Variants in EBF4 observed in about 807,000 individuals in gnomAD.
EBF4 encodes EBF transcription factor 4.
A neutral mutation model predicts 67.1 loss-of-function variants in EBF4; 34 were observed. The observed-to-expected ratio is 0.51, with a 90% CI of 0.39 to 0.67. The LOEUF is 0.67. Among genes scored for constraint, EBF4 ranks in the 30% least tolerant of loss-of-function variants. The probability of loss-of-function intolerance (pLI) is 0.00; values close to 1 mark genes in which losing one functional copy is unlikely to be tolerated. For synonymous variants in EBF4, 387 were observed against 377.7 expected (o/e 1.02, Z -0.29); for missense variants, 837 against 873.3 (o/e 0.96, Z 0.52).
chr20:2,731,230 A>G (rs2087809734), intron 6 of EBF4, among the ~76,000 whole-genome samples: 1 of 152,204 alleles, frequency 6.6e-6, no homozygotes, highest in African/African-American at 2.4e-5. Context: ...GTAAGTTAGC[A>G]TAATGTGCTG....
Position 2,756,024 on chromosome 20 carries a change from G to T in EBF4, c.1738+200G>T, listed in dbSNP as rs1022255804. ...CCCTCTGCCCTGGCCTCCCAGCCTG[G>T]GATGGTCACCATTCTGGATGCTCTC... On this transcript the variant is annotated intron_variant, in intron 15 of 16. Coordinates refer to ENST00000609451, the Ensembl canonical transcript of EBF4. This position sits in a 1 kb window ranked among gnomAD's most constrained non-coding sequence, Gnocchi z 4.5. 6.6e-6 allele frequency among the ~76,000 whole-genome samples: 1 copy of T among 152,208 alleles called. No homozygotes were observed. Among genetic ancestry groups the T allele is most frequent in the Admixed American group, 6.5e-5 (1 of 15,290 alleles).
At position 2,747,058 on chromosome 20, in the gene EBF4, C is replaced by T. The variant is rs779069830; in HGVS notation, c.558-1491C>T. ...CTGTAATCCCAACACTTTGGGAGGCCGAGGTGGGTGAATCACCTGAGGTCA... is the reference window on the plus strand; with the variant it reads ...CTGTAATCCCAACACTTTGGGAGGCTGAGGTGGGTGAATCACCTGAGGTCA... On this transcript the variant is annotated intron_variant, in intron 6 of 16. Coordinates refer to ENST00000609451, the Ensembl canonical transcript of EBF4. This position sits in a 1 kb window ranked among gnomAD's most constrained non-coding sequence, Gnocchi z 4.6. 6.6e-6 allele frequency among the ~76,000 whole-genome samples: 1 copy of T among 152,102 alleles called. No individual in the cohort carries two copies. The highest frequency in any genetic ancestry group is 1.5e-5 in the Non-Finnish European group (1 of 68,018).
At chr20:2,749,576 AC>A in intron 8 of EBF4, 43 bp from the exon 9 acceptor site, 1 of 1,543,372 alleles carries the variant, frequency 6.5e-7, no homozygotes, top group Middle Eastern at 1.7e-4. Flanking sequence ...CCCAGGCCCC[AC>A]CTCAGCGCGG....
chr20:2,708,972 G>T (rs916288515), intron 5 of EBF4, among the ~76,000 whole-genome samples: 1 of 152,106 alleles, frequency 6.6e-6, no homozygotes, highest in Non-Finnish European at 1.5e-5. Flanking sequence ...GATCACTTGA[G>T]GCCAGGAGTT....
At chr20:2,697,476 C>T (rs1296585080) in intron 1 of EBF4, among the ~76,000 whole-genome samples, 3 of 146,618 alleles carry the variant, frequency 2.0e-5, no homozygotes, top group East Asian at 2.0e-4. Flanking sequence ...ACCCGGGAGG[C>T]GGAGCTTGCA....
chr20:2,755,732 C>T lies in EBF4; in HGVS notation c.1646C>T (p.Ala549Val). 6.4e-7 allele frequency: 1 copy of T among 1,551,074 alleles called. No homozygotes were observed. The highest frequency in any genetic ancestry group is 8.7e-7 in the Non-Finnish European group (1 of 1,146,904). Residue 549 changes from alanine to valine, a missense_variant, in exon 15 of 17, where the codon GCC (alanine) becomes GTC (valine). Ala to Val is a moderately conservative substitution (Grantham distance 64). This residue lies in a region of EBF4 where 525 missense variants were observed against 496.5 expected (regional missense o/e 1.06). Coordinates refer to ENST00000609451, the Ensembl canonical transcript of EBF4. The surrounding 1 kb of genome is among the most constrained non-coding windows in gnomAD (Gnocchi z 4.7). ...TTCTCGCCTGTCAACATGATCTCCGCCGTCAAACAGAGGAGCGCCTTCGCC... is the reference window on the plus strand; with the variant it reads ...TTCTCGCCTGTCAACATGATCTCCGTCGTCAAACAGAGGAGCGCCTTCGCC...
chr20:2,738,107 G>A (rs1250091190), intron 6 of EBF4, among the ~76,000 whole-genome samples: 1 of 152,052 alleles, frequency 6.6e-6, no homozygotes, highest in Non-Finnish European at 1.5e-5. Flanking sequence ...TTAATCTTCT[G>A]TCTGTTCTCT....
At chr20:2,749,595 A>T in intron 8 of EBF4, 25 bp from the exon 9 acceptor site, 1 of 1,550,452 alleles carries the variant, frequency 6.4e-7, no homozygotes, top group South Asian at 1.2e-5. Context: ...CGGTCCCCTG[A>T]CCTGGGTCCT....
exon 9 of EBF4, chr20:2,749,663 G>C (rs1022444297): frequency 1.3e-6 from 2 of 1,567,528 alleles, no homozygotes; most frequent in Non-Finnish European, 1.7e-6. Flanking sequence ...GGGAGGGCTG[G>C]ACCACGGGCG....
At chr20:2,693,519 G>A (rs969146660), upstream of EBF4, 2 of 1,185,042 alleles carry the variant, frequency 1.7e-6, no homozygotes, top group Non-Finnish European at 2.1e-6. The surrounding 1 kb of genome is among the most constrained non-coding windows in gnomAD (Gnocchi z 4.6). Context: ...CGCGCACTGA[G>A]CCACCCGGAC....
intron 6 of EBF4, among the ~76,000 whole-genome samples, chr20:2,736,726 T>A (rs2087882502): frequency 6.6e-6 from 1 of 152,114 alleles, no homozygotes. Context: ...ACCACTCTTT[T>A]CAGAGCTGAG....
chr20:2,729,313 T>C (rs1039756388), intron 6 of EBF4, among the ~76,000 whole-genome samples: 2 of 152,186 alleles, frequency 1.3e-5, no homozygotes, highest in African/African-American at 4.8e-5. Context: ...GGCATGGTCC[T>C]TGCCCTAATC....
rs2088101373 is a variant in EBF4, at chr20:2,749,365, G to C, written c.640-36G>C. The C allele has an allele frequency of 5.4e-6, 8 of 1,487,684 alleles. No individual in the cohort carries two copies. The East Asian group carries it at 2.0e-4, about 38-fold the overall frequency. The allele number at this position is 1,487,684 out of a possible 1,614,324, so 92.2% of individuals were successfully genotyped here. A position where few individuals can be genotyped will look rare whatever the true frequency, so the allele number is the denominator to read the frequency against. ...ACATTCCCCTCCCGGGAGCCCCCGA[G>C]GGCCCCAGCCAGGCTGGCCTCGGCT... On this transcript the variant is annotated intron_variant, in intron 7 of 16. Transcript: ENST00000609451.
chr20:2,742,810 A>G (rs1354345173), intron 6 of EBF4, among the ~76,000 whole-genome samples: 3 of 152,144 alleles, frequency 2.0e-5, no homozygotes, highest in African/African-American at 7.2e-5. Context: ...GGCTCATCCA[A>G]GCTTTAGAGG....
chr20:2,759,259 C>T lies in EBF4; in HGVS notation c.*6-9C>T. 1 of 508,540 alleles carries T rather than the reference C, an allele frequency of 2.0e-6. No individual in the cohort carries two copies. The highest frequency in any genetic ancestry group is 2.4e-5 in the South Asian group (1 of 40,946). The allele number at this position is 508,540 out of a possible 1,614,324, so 31.5% of individuals were successfully genotyped here. ...CCGACCTTCTTCTCTCCCTCTCTCGCCCCACCAGGTCTGCAGCTGTTCCCA... is the reference window on the plus strand; with the variant it reads ...CCGACCTTCTTCTCTCCCTCTCTCGTCCCACCAGGTCTGCAGCTGTTCCCA... On this transcript the variant is annotated splice_polypyrimidine_tract_variant and intron_variant, in intron 16 of 16. Transcript: ENST00000609451.
At chr20:2,753,874 T>A (rs1054584867) in intron 14 of EBF4, among the ~76,000 whole-genome samples, 3 of 152,110 alleles carry the variant, frequency 2.0e-5, no homozygotes, top group African/African-American at 7.2e-5. Flanking sequence ...GGCCCCTGCC[T>A]CTCCTGGCTC....
chr20:2,702,152 G>C (rs2146374095), intron 1 of EBF4, among the ~76,000 whole-genome samples: 1 of 152,314 alleles, frequency 6.6e-6, no homozygotes, highest in Non-Finnish European at 1.5e-5. Flanking sequence ...AAGGTGTTGA[G>C]GCCGGGCGCA....
At chr20:2,724,636 G>T (rs2087725353) in intron 6 of EBF4, among the ~76,000 whole-genome samples, 1 of 152,170 alleles carries the variant, frequency 6.6e-6, no homozygotes, top group South Asian at 2.1e-4. Flanking sequence ...CAGGCATGAT[G>T]GCTCATGCCT....
intron 1 of EBF4, among the ~76,000 whole-genome samples, chr20:2,703,308 C>T (rs1421472311): frequency 2.0e-5 from 3 of 148,896 alleles, no homozygotes; most frequent in Admixed American, 1.3e-4. Flanking sequence ...TGGTGGCTCA[C>T]ACCTGTAATC....
Sources: allele counts gnomAD v4.1 joint callset (sites outside exome capture counted in the v4.1 genomes callset), GRCh38; gene constraint gnomAD v4.1.1; regional missense constraint gnomAD v4.1.1; non-coding constraint Gnocchi (gnomAD v3.1); transcripts MANE v1.5; gene names NCBI Gene and HGNC (gene_info 2026-07-23, HGNC 2026-07-21).